The following SLC25A21 variants were observed in gnomAD, a reference collection of about 807,000 sequenced individuals.
SLC25A21 encodes the protein mitochondrial 2-oxodicarboxylate carrier.
In SLC25A21, 47 loss-of-function variants were observed where a neutral mutation model predicts 43.8. The ratio of observed to expected loss-of-function variants is 1.07; its 90% CI spans 0.85 to 1.37. SLC25A21 has a LOEUF of 1.37. SLC25A21 is among the 40% of genes most tolerant of loss of function. The pLI is 0.00. For missense variants in SLC25A21, 352 were observed against 350.2 expected (o/e 1.00, Z -0.04); for synonymous variants, 131 against 121.3 (o/e 1.08, Z -0.52).
chr14:36,769,815 AT>A (rs1886550393), intron 3 of SLC25A21, among the ~76,000 whole-genome samples: 1 of 152,178 alleles, frequency 6.6e-6, no homozygotes, highest in South Asian at 2.1e-4. Context: ...TGTCATTTCT[AT>A]TTTTACATTT....
At chr14:36,886,666 A>C (rs578198415) in intron 1 of SLC25A21, among the ~76,000 whole-genome samples, 2 of 152,354 alleles carry the variant, frequency 1.3e-5, no homozygotes, top group South Asian at 4.1e-4. Context: ...TTTTAAAATA[A>C]GTGAGTTTTT....
intron 1 of SLC25A21, among the ~76,000 whole-genome samples, chr14:36,926,668 A>G (rs1193518947): frequency 6.6e-6 from 1 of 152,090 alleles, no homozygotes; most frequent in Non-Finnish European, 1.5e-5. Context: ...TTTGGAAGAA[A>G]TTACTTATAA....
intron 1 of SLC25A21, among the ~76,000 whole-genome samples, chr14:36,897,731 T>G (rs1891284211): frequency 6.6e-6 from 1 of 152,172 alleles, no homozygotes; most frequent in Non-Finnish European, 1.5e-5. Context: ...GTCCTTTCTG[T>G]TTGTTAATTT....
At chr14:37,133,209 T>G (rs1250341146) in intron 1 of SLC25A21, among the ~76,000 whole-genome samples, 1 of 151,784 alleles carries the variant, frequency 6.6e-6, no homozygotes, top group East Asian at 1.9e-4. Flanking sequence ...CACTGGCTGA[T>G]AAATATGCTG....
At chr14:37,063,159 C>T (rs2138814737) in intron 1 of SLC25A21, among the ~76,000 whole-genome samples, 1 of 152,180 alleles carries the variant, frequency 6.6e-6, no homozygotes, top group South Asian at 2.1e-4. Flanking sequence ...ATTACCTCCA[C>T]CGGGTCCCTC....
intron 3 of SLC25A21, among the ~76,000 whole-genome samples, chr14:36,763,220 CAG>C (rs1886232714): frequency 6.6e-6 from 1 of 152,190 alleles, no homozygotes; most frequent in Non-Finnish European, 1.5e-5. Flanking sequence ...ATTATTATCA[CAG>C]AGGCCCAGAT....
At chr14:36,992,566 A>T (rs901148703) in intron 1 of SLC25A21, among the ~76,000 whole-genome samples, 1 of 152,202 alleles carries the variant, frequency 6.6e-6, no homozygotes, top group Non-Finnish European at 1.5e-5. Flanking sequence ...ACTATTAACC[A>T]TGCAAACTAG....
chr14:36,770,500 A>G (rs556299269), intron 3 of SLC25A21, among the ~76,000 whole-genome samples: 1 of 152,234 alleles, frequency 6.6e-6, no homozygotes, highest in Non-Finnish European at 1.5e-5. Flanking sequence ...AAGCCTGTAC[A>G]TGTACCTCCT....
At chr14:36,763,625 T>A (rs1252466556) in intron 3 of SLC25A21, among the ~76,000 whole-genome samples, 2 of 152,086 alleles carry the variant, frequency 1.3e-5, no homozygotes, top group African/African-American at 4.8e-5. Context: ...TTTTTACTGT[T>A]GTAGAGGGGT....
At chr14:36,918,344 T>G (rs2138620720) in intron 1 of SLC25A21, among the ~76,000 whole-genome samples, 1 of 152,282 alleles carries the variant, frequency 6.6e-6, no homozygotes, top group South Asian at 2.1e-4. Flanking sequence ...CAAGGGCTGG[T>G]GTATGGAATG....
intron 1 of SLC25A21, among the ~76,000 whole-genome samples, chr14:37,075,541 G>A (rs866517317): frequency 8.5e-5 from 13 of 152,118 alleles, no homozygotes; most frequent in South Asian, 2.1e-4. Context: ...ATAGAGTGAC[G>A]GGGGAAGGAG....
intron 3 of SLC25A21, among the ~76,000 whole-genome samples, chr14:36,810,970 G>A (rs1298404855): frequency 3.1e-5 from 1 of 32,400 alleles, no homozygotes; most frequent in Middle Eastern, 0.02. Flanking sequence ...GGTCAGGGAG[G>A]GTGAAATATG....
At chr14:36,824,131 C>T (rs1888733713) in intron 2 of SLC25A21, among the ~76,000 whole-genome samples, 1 of 152,140 alleles carries the variant, frequency 6.6e-6, no homozygotes, top group African/African-American at 2.4e-5. Flanking sequence ...TTTAAGTGAT[C>T]AAGTGTACCT....
At chr14:36,696,171 G>A (rs775025814) in intron 7 of SLC25A21, among the ~76,000 whole-genome samples, 7 of 152,094 alleles carry the variant, frequency 4.6e-5, no homozygotes, top group Admixed American at 3.3e-4. Context: ...ATAATCATGT[G>A]GTTTTTGTCA....
intron 3 of SLC25A21, among the ~76,000 whole-genome samples, chr14:36,793,600 A>G (rs1185912108): frequency 1.3e-5 from 2 of 151,326 alleles, no homozygotes; most frequent in Non-Finnish European, 2.9e-5. Context: ...ATTTGCAGTT[A>G]GGAGTTAAGG....
At chr14:36,882,961 T>A (rs939564673) in intron 1 of SLC25A21, among the ~76,000 whole-genome samples, 1 of 152,052 alleles carries the variant, frequency 6.6e-6, no homozygotes, top group Non-Finnish European at 1.5e-5. Flanking sequence ...ATTTCTACCA[T>A]CCCTCATGAC....
chr14:36,881,584 CTT>C (rs928562921), intron 1 of SLC25A21, among the ~76,000 whole-genome samples: 1 of 152,098 alleles, frequency 6.6e-6, no homozygotes, highest in African/African-American at 2.4e-5. Context: ...CACCCTTGCC[CTT>C]TTTTTCTACC....
intron 1 of SLC25A21, among the ~76,000 whole-genome samples, chr14:36,912,073 CA>C (rs1357420023): frequency 1.3e-5 from 2 of 152,118 alleles, no homozygotes; most frequent in Non-Finnish European, 2.9e-5. Context: ...TATTATTATA[CA>C]TTTCTATCTT....
At chr14:37,000,041 A>G (rs991400241) in intron 1 of SLC25A21, among the ~76,000 whole-genome samples, 1 of 152,214 alleles carries the variant, frequency 6.6e-6, no homozygotes, top group Non-Finnish European at 1.5e-5. Flanking sequence ...TATTAAAATC[A>G]GAATCTTTGA....
Sources: allele counts gnomAD v4.1 joint callset (sites outside exome capture counted in the v4.1 genomes callset), GRCh38; gene constraint gnomAD v4.1.1; transcripts MANE v1.5; gene names NCBI Gene and HGNC (gene_info 2026-07-23, HGNC 2026-07-21).